The following EYS variants were observed in gnomAD, a reference collection of about 807,000 sequenced individuals.
EYS encodes EGF-like photoreceptor maintenance factor.
In EYS, 250 loss-of-function variants were observed where a neutral mutation model predicts 282.1. That is an observed-to-expected ratio of 0.89 (90% CI 0.80 to 0.98). The LOEUF is 0.98. Ranked by LOEUF, EYS falls within the 50% of genes least tolerant of loss-of-function variation. EYS has a pLI of 0.00. For missense variants in EYS, 4,016 were observed against 3,709.0 expected, an observed-to-expected ratio of 1.08 and a Z score of -2.15; for synonymous variants, 1,355 against 1,282.9, an observed-to-expected ratio of 1.06 and a Z score of -1.20.
At chr6:64,788,103 C>T (rs1476862584) in intron 22 of EYS, among the ~76,000 whole-genome samples, 1 of 151,918 alleles carries the variant, frequency 6.6e-6, no homozygotes, top group African/African-American at 2.4e-5. Context: ...GAAGATTTAT[C>T]CAGAGATCTA....
chr6:64,982,413 T>G (rs888842209), intron 14 of EYS, among the ~76,000 whole-genome samples: 1 of 151,410 alleles, frequency 6.6e-6, no homozygotes, highest in African/African-American at 2.4e-5. Context: ...ACTGTGTTGC[T>G]TTTTATTCTA....
chr6:63,998,022 A>G (rs956808595), intron 34 of EYS, among the ~76,000 whole-genome samples: 5 of 152,160 alleles, frequency 3.3e-5, no homozygotes, highest in Non-Finnish European at 5.9e-5. Context: ...ACTTTTTAAA[A>G]CATAAAAACA....
At chr6:64,125,153 T>TCTCTCTCTCTCTCTC in intron 31 of EYS, among the ~76,000 whole-genome samples, 33 of 149,016 alleles carry the variant, frequency 2.2e-4, no homozygotes, top group African/African-American at 7.8e-4. Flanking sequence ...ACACACTCTC[T>TCTCTCTCTCTCTCTC]GTCTCTCTCT....
intron 22 of EYS, among the ~76,000 whole-genome samples, chr6:64,795,854 C>A (rs1774339903): frequency 6.6e-6 from 1 of 152,090 alleles, no homozygotes; most frequent in African/African-American, 2.4e-5. Flanking sequence ...ATGCTCAGAT[C>A]TGCTATATGT....
intron 33 of EYS, among the ~76,000 whole-genome samples, chr6:64,012,587 A>G (rs910859729): frequency 2.0e-5 from 3 of 152,230 alleles, no homozygotes; most frequent in Non-Finnish European, 2.9e-5. Context: ...ATTAGGCAGT[A>G]TGGGTGAAAC....
chr6:65,107,286 C>G (rs1344090837), intron 12 of EYS, among the ~76,000 whole-genome samples: 1 of 142,364 alleles, frequency 7.0e-6, no homozygotes, highest in Non-Finnish European at 1.5e-5. Flanking sequence ...CTTCAAGAGT[C>G]TGGGTTGCAT....
intron 19 of EYS, among the ~76,000 whole-genome samples, chr6:64,878,276 G>A (rs1766812765): frequency 6.6e-6 from 1 of 152,010 alleles, no homozygotes; most frequent in South Asian, 2.1e-4. Flanking sequence ...CAGCAGTAGG[G>A]CAGTAGGGTT....
At chr6:65,315,781 T>G (rs1769280460) in intron 11 of EYS, among the ~76,000 whole-genome samples, 2 of 144,662 alleles carry the variant, frequency 1.4e-5, no homozygotes, top group Admixed American at 1.4e-4. Context: ...CACTTTGGAG[T>G]GCAATATCTG....
chr6:64,089,374 A>G (rs1295040635), intron 31 of EYS, among the ~76,000 whole-genome samples: 1 of 150,098 alleles, frequency 6.7e-6, no homozygotes, highest in Non-Finnish European at 1.5e-5. Context: ...ATCTCAAGAT[A>G]CATGAAATTT....
intron 2 of EYS, among the ~76,000 whole-genome samples, chr6:65,543,174 A>G (rs919779763): frequency 1.3e-5 from 2 of 151,776 alleles, no homozygotes; most frequent in African/African-American, 4.8e-5. Flanking sequence ...ACTTGCCACC[A>G]TGCCGGGCTA....
At chr6:64,860,970 G>C (rs1396976124) in intron 19 of EYS, among the ~76,000 whole-genome samples, 1 of 152,190 alleles carries the variant, frequency 6.6e-6, no homozygotes, top group Non-Finnish European at 1.5e-5. Flanking sequence ...GACTATGGGT[G>C]GCTATGGGCA....
At chr6:65,189,625 T>C (rs888044360) in intron 12 of EYS, among the ~76,000 whole-genome samples, 1 of 151,906 alleles carries the variant, frequency 6.6e-6, no homozygotes, top group African/African-American at 2.4e-5. Context: ...AGGTTTACAA[T>C]GACAGCAGCG....
chr6:65,328,410 G>T (rs1194092221), intron 11 of EYS, among the ~76,000 whole-genome samples: 1 of 151,304 alleles, frequency 6.6e-6, no homozygotes, highest in Non-Finnish European at 1.5e-5. Flanking sequence ...ATATATATGT[G>T]TACATTGATA....
At chr6:65,580,227 G>A (rs1764820799) in intron 2 of EYS, among the ~76,000 whole-genome samples, 1 of 152,104 alleles carries the variant, frequency 6.6e-6, no homozygotes, top group South Asian at 2.1e-4. Context: ...AAAGTGGAGT[G>A]TATTTAGTAA....
chr6:64,256,946 G>T (rs962089636), intron 30 of EYS, among the ~76,000 whole-genome samples: 12 of 152,068 alleles, frequency 7.9e-5, no homozygotes, highest in Non-Finnish European at 1.5e-4. Flanking sequence ...TCCTTCATTG[G>T]TTCTCCAGAA....
At chr6:65,346,470 A>G (rs1582167567) in intron 9 of EYS, among the ~76,000 whole-genome samples, 1 of 151,560 alleles carries the variant, frequency 6.6e-6, no homozygotes, top group Admixed American at 6.6e-5. Context: ...ACTGCCCTAG[A>G]TTATTACAAA....
At chr6:65,282,911 C>T (rs759110487) in intron 12 of EYS, among the ~76,000 whole-genome samples, 42 of 151,778 alleles carry the variant, frequency 2.8e-4, no homozygotes, top group Non-Finnish European at 2.7e-4. Context: ...TGTTTCATTT[C>T]TCAAAAAGTT....
intron 41 of EYS, among the ~76,000 whole-genome samples, chr6:63,740,441 T>C (rs897464218): frequency 2.0e-5 from 3 of 152,212 alleles, no homozygotes; most frequent in African/African-American, 7.2e-5. Context: ...AACCTCTTTT[T>C]CTTCCCAGTT....
chr6:65,383,624 C>T (rs1562139999), intron 8 of EYS, among the ~76,000 whole-genome samples: 1 of 151,150 alleles, frequency 6.6e-6, no homozygotes, highest in Non-Finnish European at 1.5e-5. Flanking sequence ...TTGGAAGTTC[C>T]CTTTGTACTC....
Sources: allele counts gnomAD v4.1 joint callset (sites outside exome capture counted in the v4.1 genomes callset), GRCh38; gene constraint gnomAD v4.1.1; transcripts MANE v1.5; gene names NCBI Gene and HGNC (gene_info 2026-07-23, HGNC 2026-07-21).